DOCK1: variants seen among roughly 807,000 people sequenced by gnomAD.
The protein encoded by DOCK1 is dedicator of cytokinesis protein 1.
Under a neutral mutation model 262.7 loss-of-function variants are expected in DOCK1, and 138 were observed. The ratio of observed to expected loss-of-function variants is 0.53; its 90% CI spans 0.46 to 0.61. DOCK1 has a LOEUF of 0.61. DOCK1 is among the 20% of genes least tolerant of loss of function. The pLI is 0.00. For missense variants in DOCK1, 1,908 were observed against 2,370.7 expected (o/e 0.80, Z 4.05); for synonymous variants, 866 against 867.4 (o/e 1.00, Z 0.03).
At chr10:127,070,451 A>G (rs1393125669) in intron 23 of DOCK1, among the ~76,000 whole-genome samples, 1 of 151,660 alleles carries the variant, frequency 6.6e-6, no homozygotes, top group African/African-American at 2.4e-5. Context: ...ACAGGGTTTC[A>G]CCACATTTGC....
At chr10:127,365,247 A>C (rs1440987827) in intron 33 of DOCK1, among the ~76,000 whole-genome samples, 1 of 152,232 alleles carries the variant, frequency 6.6e-6, no homozygotes, top group African/African-American at 2.4e-5. Flanking sequence ...ATATAGCTTG[A>C]ATTTATTTTG....
At chr10:127,000,702 C>G (rs928751462) in intron 10 of DOCK1, 1 of 169,780 alleles carries the variant, frequency 5.9e-6, no homozygotes. Context: ...GTGAAGAGAA[C>G]GCGGTTAGCT....
chr10:127,036,326 C>G (rs977759541), intron 18 of DOCK1, among the ~76,000 whole-genome samples: 3 of 152,180 alleles, frequency 2.0e-5, no homozygotes, highest in Non-Finnish European at 2.9e-5. Context: ...CTATTTTTAA[C>G]TCTTCCCTTT....
At chr10:127,380,751 A>C (rs2065781665) in intron 36 of DOCK1, among the ~76,000 whole-genome samples, 1 of 152,274 alleles carries the variant, frequency 6.6e-6, no homozygotes, top group Non-Finnish European at 1.5e-5. Flanking sequence ...ACACAGCATG[A>C]GTTTTTAGTG....
At chr10:126,915,343 G>A (rs1475311372) in intron 1 of DOCK1, among the ~76,000 whole-genome samples, 1 of 151,070 alleles carries the variant, frequency 6.6e-6, no homozygotes, top group Non-Finnish European at 1.5e-5. Flanking sequence ...TGCTACTTAT[G>A]TCCTATAGAT....
rs1372395240 is a variant in DOCK1, at chr10:127,439,128, A to G, written c.5162A>G (p.Glu1721Gly). 1.3e-6 allele frequency: 2 copies of G among 1,598,182 alleles called. No homozygotes were observed. Among genetic ancestry groups the G allele is most frequent in the East Asian group, 2.2e-5 (1 of 44,456 alleles). ...LEKEKKDKKKEKRNSKHQEIF... is the reference protein window; with the variant it reads ...LEKEKKDKKKGKRNSKHQEIF... ...AAGGAGAAGAAGGACAAGAAGAAGG[A>G]AAAAAGGAACAGCAAACATCAAGAG... Residue 1721 changes from glutamate (E) to glycine (G), a missense_variant, in exon 49 of 52, where the codon GAA becomes GGA. Transcript: ENST00000623213.
intron 1 of DOCK1, among the ~76,000 whole-genome samples, chr10:126,952,875 T>G (rs2036414488): frequency 6.6e-6 from 1 of 151,692 alleles, no homozygotes; most frequent in African/African-American, 2.4e-5. Flanking sequence ...GTAGTATTGT[T>G]ATTGTTGGTA....
In DOCK1 at chr10:127,379,892, T is replaced by C. The variant is rs571057662; in HGVS notation, c.3676-190T>C. 9.9e-5 allele frequency among the ~76,000 whole-genome samples: 15 copies of C among 151,890 alleles called. No homozygotes were observed. In the South Asian group the frequency reaches 3.1e-3, roughly 32 times the overall value. On this transcript the variant is annotated intron_variant, in intron 35 of 51. Coordinates refer to ENST00000623213, the MANE Select transcript of DOCK1 (RefSeq NM_001290223.2). Reference sequence around the variant, plus strand: ...GTGTAGAAATGTAATTGTGTTTGACTAGCAAAAAAAAAAGTGAAGAACTGT... The same window carrying C: ...GTGTAGAAATGTAATTGTGTTTGACCAGCAAAAAAAAAAGTGAAGAACTGT...
Position 127,403,120 on chromosome 10 carries a change from T to C in DOCK1, c.3993T>C (p.Asp1331=), listed in dbSNP as rs750450272. ...LAEQYENEMF[D]YEQLSELLKK... Reference sequence around the variant, plus strand: ...AGCAGTATGAGAACGAAATGTTTGATTATGAGCAACTCAGCGAATTGCTGG... The same window carrying C: ...AGCAGTATGAGAACGAAATGTTTGACTATGAGCAACTCAGCGAATTGCTGG... Residue 1331 remains aspartate, a synonymous_variant, in exon 39 of 52, where the codon GAT becomes GAC. Transcript: ENST00000623213. The C allele has an allele frequency of 3.0e-5, 48 of 1,611,594 alleles. No homozygotes were observed. The highest frequency in any genetic ancestry group is 6.7e-5 in the South Asian group (6 of 90,180).
chr10:126,940,112 T>G (rs955771729), intron 1 of DOCK1, among the ~76,000 whole-genome samples: 2 of 152,230 alleles, frequency 1.3e-5, no homozygotes, highest in African/African-American at 4.8e-5. Context: ...TGTTTTTGCC[T>G]CTAATCTGGT....
intron 23 of DOCK1, among the ~76,000 whole-genome samples, chr10:127,097,839 A>T (rs1048723453): frequency 6.6e-6 from 1 of 152,230 alleles, no homozygotes; most frequent in Non-Finnish European, 1.5e-5. Flanking sequence ...GACTTCCTCT[A>T]AATTGTGTAT....
chr10:127,352,403 G>A (rs780835519), intron 31 of DOCK1, among the ~76,000 whole-genome samples: 10 of 152,038 alleles, frequency 6.6e-5, no homozygotes, highest in Admixed American at 1.3e-4. Context: ...TGGAAACACA[G>A]CAAGTCACTC....
At chr10:127,347,427 G>C (rs1219788279) in intron 31 of DOCK1, among the ~76,000 whole-genome samples, 1 of 152,258 alleles carries the variant, frequency 6.6e-6, no homozygotes, top group Non-Finnish European at 1.5e-5. Context: ...GGAGACAGAG[G>C]CCTCCTGGCA....
At chr10:127,281,081 A>T (rs539742977) in intron 29 of DOCK1, among the ~76,000 whole-genome samples, 1 of 152,368 alleles carries the variant, frequency 6.6e-6, no homozygotes, top group East Asian at 1.9e-4. Flanking sequence ...TTTGTGAGGG[A>T]GACTTTGCTT....
intron 1 of DOCK1, among the ~76,000 whole-genome samples, chr10:126,931,917 C>G (rs2034219756): frequency 6.6e-6 from 1 of 152,048 alleles, no homozygotes; most frequent in Non-Finnish European, 1.5e-5. Flanking sequence ...ATCTCCCCTT[C>G]CAGAGGTTAC....
At chr10:127,195,059 C>T (rs1317756222) in intron 27 of DOCK1, among the ~76,000 whole-genome samples, 6 of 152,198 alleles carry the variant, frequency 3.9e-5, no homozygotes, top group Admixed American at 3.9e-4. Flanking sequence ...CCTCTCCTCC[C>T]CCACTCCTGG....
rs191437424 is a variant in DOCK1, at chr10:127,255,090, T to C, written c.2950-2245T>C. ...AGCAGCCTGCTTATTGTATAAGACA[T>C]CCTGTGAATAGTCAAACTAAAACAT... On this transcript the variant is annotated intron_variant, in intron 28 of 51. Coordinates refer to ENST00000623213, the MANE Select transcript of DOCK1 (RefSeq NM_001290223.2). 1.2e-3 allele frequency among the ~76,000 whole-genome samples: 189 copies of C among 152,292 alleles called. 2 individuals are homozygous for C. The highest frequency in any genetic ancestry group is 4.2e-3 in the African/African-American group (173 of 41,558).
intron 1 of DOCK1, among the ~76,000 whole-genome samples, chr10:126,949,876 T>C (rs2036041671): frequency 6.6e-6 from 1 of 152,088 alleles, no homozygotes; most frequent in African/African-American, 2.4e-5. Context: ...GGCAAAGCTC[T>C]GTCTGGCTCT....
At chr10:126,980,902 C>T (rs377676489) in intron 3 of DOCK1, among the ~76,000 whole-genome samples, 7 of 152,056 alleles carry the variant, frequency 4.6e-5, no homozygotes, top group African/African-American at 1.4e-4. Context: ...TGCTTTATTC[C>T]AGTAAGGGAG....
Sources: allele counts gnomAD v4.1 joint callset (sites outside exome capture counted in the v4.1 genomes callset), GRCh38; gene constraint gnomAD v4.1.1; transcripts MANE v1.5; gene names NCBI Gene and HGNC (gene_info 2026-07-23, HGNC 2026-07-21).